SETDB2: variants seen among roughly 807,000 people sequenced by gnomAD.
SETDB2 encodes the protein histone-lysine N-methyltransferase SETDB2.
SETDB2 carries 56 observed loss-of-function variants against 82.5 expected under a neutral mutation model. That is an observed-to-expected ratio of 0.68 (90% confidence interval 0.55 to 0.85). The LOEUF (loss-of-function observed/expected upper bound fraction) is 0.85. Ranked by LOEUF, SETDB2 falls within the 40% of genes least tolerant of loss-of-function variation. The probability of loss-of-function intolerance (pLI) is 0.00; values close to 1 mark genes in which losing one functional copy is unlikely to be tolerated. For synonymous variants in SETDB2, 272 were observed against 284.9 expected (o/e 0.95, Z 0.46); for missense variants, 677 against 816.4 (o/e 0.83, Z 2.08).
At chr13:49,460,574 C>A (rs1236224646) in intron 3 of SETDB2, among the ~76,000 whole-genome samples, 1 of 152,140 alleles carries the variant, frequency 6.6e-6, no homozygotes, top group African/African-American at 2.4e-5. Context: ...TTAAACAGAA[C>A]TTACTCTACC....
At chr13:49,452,576 C>T (rs889647961) in intron 2 of SETDB2, among the ~76,000 whole-genome samples, 1 of 152,172 alleles carries the variant, frequency 6.6e-6, no homozygotes, top group Admixed American at 6.5e-5. Context: ...TTATTATTAA[C>T]TGAAGTCCAT....
rs371785101 is a variant in SETDB2 at position 49,463,192 on chromosome 13, G to A, written c.208+2030G>A. Among the ~76,000 whole-genome samples, 92 of 151,262 alleles carry A rather than the reference G, an allele frequency of 6.1e-4. 1 individual carries two copies. Among genetic ancestry groups the A allele is most frequent in the African/African-American group, 2.1e-3 (87 of 41,130 alleles). On this transcript the variant is annotated intron_variant, in intron 4 of 13. Coordinates refer to ENST00000611815, the MANE Select transcript of SETDB2 (RefSeq NM_001160308.3). The stretch of plus-strand genomic sequence containing the variant: ...GGTGATTTTTTTTTTTTGTATTTTA[G>A]TAGAGAGAGGGTTTCACCATGTTGC...
chr13:49,468,309 G>T (rs932417787), intron 5 of SETDB2, among the ~76,000 whole-genome samples: 1 of 152,018 alleles, frequency 6.6e-6, no homozygotes, highest in Non-Finnish European at 1.5e-5. Context: ...GTTTCTTTCA[G>T]TATCAGTTGA....
chr13:49,465,562 G>A (rs532793399), intron 4 of SETDB2, among the ~76,000 whole-genome samples: 107 of 150,220 alleles, frequency 7.1e-4, no homozygotes, highest in African/African-American at 2.5e-3. Flanking sequence ...TTGAGACGAA[G>A]TCTCACTCTT....
At chr13:49,453,174 A>G (rs1957814536) in intron 2 of SETDB2, among the ~76,000 whole-genome samples, 2 of 152,160 alleles carry the variant, frequency 1.3e-5, no homozygotes, top group Non-Finnish European at 2.9e-5. Flanking sequence ...AATCATTTAT[A>G]TCAGCATGGA....
intron 5 of SETDB2, among the ~76,000 whole-genome samples, chr13:49,470,207 T>A (rs1229973528): frequency 6.6e-6 from 1 of 152,216 alleles, no homozygotes; most frequent in African/African-American, 2.4e-5. Flanking sequence ...GAATTTCATT[T>A]CCTTAATCTC....
chr13:49,461,939 T>TA (rs1391237273), intron 4 of SETDB2, among the ~76,000 whole-genome samples: 3 of 152,190 alleles, frequency 2.0e-5, no homozygotes, highest in Non-Finnish European at 4.4e-5. Context: ...TATTTACTAT[T>TA]ACCAGTTTAT....
At chr13:49,489,381 T>G (rs1310163599) in intron 12 of SETDB2, 1 of 152,234 alleles carries the variant, frequency 6.6e-6, no homozygotes, top group Non-Finnish European at 1.5e-5. Context: ...AATGGCTATC[T>G]TCAGCAAAGA....
At chr13:49,461,527 G>C (rs1324626126) in intron 4 of SETDB2, among the ~76,000 whole-genome samples, 1 of 152,122 alleles carries the variant, frequency 6.6e-6, no homozygotes, top group African/African-American at 2.4e-5. Context: ...TAAGTTGGTG[G>C]GTAAATCTTT....
intron 4 of SETDB2, among the ~76,000 whole-genome samples, chr13:49,461,820 A>G (rs1378884084): frequency 6.6e-6 from 1 of 152,186 alleles, no homozygotes; most frequent in Non-Finnish European, 1.5e-5. Flanking sequence ...CACTGGTCAC[A>G]ATGCCTGGGC....
intron 5 of SETDB2, among the ~76,000 whole-genome samples, chr13:49,468,321 T>G (rs554218588): frequency 6.6e-6 from 1 of 152,166 alleles, no homozygotes; most frequent in Admixed American, 6.5e-5. Flanking sequence ...ATCAGTTGAG[T>G]TTTCAAAATG....
intron 1 of SETDB2, among the ~76,000 whole-genome samples, chr13:49,446,970 A>G (rs1342508080): frequency 6.6e-6 from 1 of 152,146 alleles, no homozygotes; most frequent in South Asian, 2.1e-4. Context: ...TACCTCTACT[A>G]ATTTACATGT....
chr13:49,470,472 T>C (rs1958205899), intron 5 of SETDB2, among the ~76,000 whole-genome samples: 1 of 152,232 alleles, frequency 6.6e-6, no homozygotes, highest in Non-Finnish European at 1.5e-5. Flanking sequence ...TAAACCCTCT[T>C]AGCAGCCCAG....
intron 2 of SETDB2, among the ~76,000 whole-genome samples, chr13:49,458,269 G>A (rs1490924838): frequency 6.6e-6 from 1 of 152,134 alleles, no homozygotes; most frequent in African/African-American, 2.4e-5. Flanking sequence ...TAGAGAGGAG[G>A]TCTTGCTATG....
At position 49,494,326 on chromosome 13, in the gene SETDB2, C is replaced by A. The variant is rs1958765847; in HGVS notation, c.*2477C>A. Reference sequence around the variant, plus strand: ...ATGCACACACGTATACATACACATACAGGCATGCATCTCTGTATTCTTTCG... The same window carrying A: ...ATGCACACACGTATACATACACATAAAGGCATGCATCTCTGTATTCTTTCG... On this transcript the variant is annotated 3_prime_UTR_variant, in exon 14 of 14. Transcript: ENST00000611815. 1 of 152,174 alleles carries A rather than the reference C, an allele frequency of 6.6e-6. No individual in the cohort carries two copies. Among genetic ancestry groups the A allele is most frequent in the African/African-American group, 2.4e-5 (1 of 41,434 alleles). 9.4% of individuals were successfully genotyped at this position (152,174 alleles called of 1,614,324 possible).
At position 49,456,575 on chromosome 13, in the gene SETDB2, C is replaced by G. The variant is rs147957555; in HGVS notation, c.17-3532C>G. Among the ~76,000 whole-genome samples the G allele has an allele frequency of 2.3e-3, 346 of 152,210 alleles. 1 individual carries two copies. The highest frequency in any genetic ancestry group is 3.7e-3 in the Non-Finnish European group (249 of 67,974). On this transcript the variant is annotated intron_variant, in intron 2 of 13. Transcript: ENST00000611815. ...TTGATCTTCAATTCAGGTACCTGCT[C>G]CAGTATTCCTTGTAAATATCTTCTA... is the stretch of plus-strand genomic sequence containing the variant.
rs535745316 is a variant in SETDB2, at chr13:49,494,178, C to G, written c.*2329C>G. ...TTATTTTTCTAGTCTCATATTGTCTCATATTTTTAATTTCTAAGAGCTCCC... is the reference window on the plus strand; with the variant it reads ...TTATTTTTCTAGTCTCATATTGTCTGATATTTTTAATTTCTAAGAGCTCCC... On this transcript the variant is annotated 3_prime_UTR_variant, in exon 14 of 14. Coordinates refer to ENST00000611815, the MANE Select transcript of SETDB2 (RefSeq NM_001160308.3). 7 of 152,176 alleles carry G rather than the reference C, an allele frequency of 4.6e-5. No individual in the cohort carries two copies. In the South Asian group the frequency reaches 1.5e-3, roughly 32 times the overall value. The allele number at this position is 152,176 out of a possible 1,614,324, so 9.4% of individuals were successfully genotyped here. A position where few individuals can be genotyped will look rare whatever the true frequency, so the allele number is the denominator to read the frequency against.
At position 49,461,119 on chromosome 13, in the gene SETDB2, A is replaced by G. The variant is rs145636971; in HGVS notation, c.165A>G (p.Leu55=). Residue 55 remains leucine, a synonymous_variant, in exon 4 of 14, where the codon CTA becomes CTG. Transcript: ENST00000611815. ...TNKEYIQAMI[L]VNEATIINSS... The stretch of plus-strand genomic sequence containing the variant: ...CAGAATACATCCAAGCAATGATTCT[A>G]GTGAATGAAGCAACTATAATTAACA... 229 of 1,611,740 alleles carry G rather than the reference A, an allele frequency of 1.4e-4. No individual in the cohort carries two copies. In the African/African-American group the frequency reaches 2.7e-3, roughly 19 times the overall value.
intron 9 of SETDB2, among the ~76,000 whole-genome samples, chr13:49,483,193 A>G (rs1370663616): frequency 6.6e-6 from 1 of 152,096 alleles, no homozygotes; most frequent in Non-Finnish European, 1.5e-5. Flanking sequence ...CAGGTTTTTT[A>G]TGGATGTCAT....
Sources: allele counts gnomAD v4.1 joint callset (sites outside exome capture counted in the v4.1 genomes callset), GRCh38; gene constraint gnomAD v4.1.1; transcripts MANE v1.5; gene names NCBI Gene and HGNC (gene_info 2026-07-23, HGNC 2026-07-21).